The following MAN1C1 variants were observed in gnomAD, a reference collection of about 807,000 sequenced individuals.
MAN1C1 encodes mannosidase alpha class 1C member 1.
Under a neutral mutation model 71.5 loss-of-function variants are expected in MAN1C1, and 49 were observed. The ratio of observed to expected loss-of-function variants is 0.69; its 90% CI spans 0.54 to 0.87. The LOEUF is 0.87. Ranked by LOEUF, MAN1C1 falls within the 40% of genes least tolerant of loss-of-function variation. The pLI is 0.00. For synonymous variants in MAN1C1, 352 were observed against 343.7 expected (o/e 1.02, Z -0.27); for missense variants, 743 against 835.0 (o/e 0.89, Z 1.36).
At chr1:25,708,691 C>T (rs141031181) in intron 2 of MAN1C1, among the ~76,000 whole-genome samples, 3,036 of 152,226 alleles carry the variant, frequency 0.02, 31 homozygotes, top group Non-Finnish European at 0.028. Flanking sequence ...TTGAGACCAG[C>T]CTGGGCAACG....
rs745697528 is a variant in MAN1C1, at chr1:25,686,502, A to G, written c.603A>G (p.Pro201=). 6.2e-7 allele frequency: 1 copy of G among 1,614,254 alleles called. No individual in the cohort carries two copies. The highest frequency in any genetic ancestry group is 1.1e-5 in the South Asian group (1 of 91,088). The change falls in exon 2 of 12, where the codon CCA becomes CCG. Residue 201 remains proline, a synonymous_variant. Transcript: ENST00000374332. ...RYAMGKNELR[P]LTKDGYEGNM... ...CAATGGGGAAAAACGAACTCCGTCC[A>G]CTAACAAAAGATGGCTACGAGGGTA...
intron 1 of MAN1C1, among the ~76,000 whole-genome samples, chr1:25,635,855 A>G (rs2045452230): frequency 6.6e-6 from 1 of 152,216 alleles, no homozygotes; most frequent in South Asian, 2.1e-4. Flanking sequence ...TAGCTCGGCT[A>G]CTGGGGGAAC....
chr1:25,703,557 C>T (rs756511639), intron 2 of MAN1C1, among the ~76,000 whole-genome samples: 4 of 152,082 alleles, frequency 2.6e-5, no homozygotes, highest in Non-Finnish European at 5.9e-5. Flanking sequence ...GGTGCATGTC[C>T]GTAATCCCAG....
At chr1:25,758,236 G>A (rs2047315105) in intron 5 of MAN1C1, among the ~76,000 whole-genome samples, 1 of 152,240 alleles carries the variant, frequency 6.6e-6, no homozygotes, top group Non-Finnish European at 1.5e-5. Flanking sequence ...GCAACCGGGT[G>A]TTCTGTGGGG....
chr1:25,617,942 C>A lies in MAN1C1; in HGVS notation c.145C>A (p.Leu49Ile). ...ALFLLPHSSR[L>I]KRLFLAPRTQ... is the part of the protein sequence containing the mutation. ...CTTCCTGCTGCCCCACTCCTCTCGC[C>A]TCAAGCGCCTCTTCCTGGCCCCCCG... is the stretch of plus-strand genomic sequence containing the variant. Residue 49 changes from leucine (L) to isoleucine (I), a missense_variant, in exon 1 of 12, where the codon CTC becomes ATC. Physicochemically the swap from Leu to Ile is conservative, Grantham distance 5. Transcript: ENST00000374332. The surrounding 1 kb of genome is among the most constrained non-coding windows in gnomAD (Gnocchi z 5.1). 1 of 1,608,200 alleles carries A rather than the reference C, an allele frequency of 6.2e-7. No homozygotes were observed.
chr1:25,751,613 C>T (rs187131105), intron 4 of MAN1C1, among the ~76,000 whole-genome samples: 18 of 152,370 alleles, frequency 1.2e-4, no homozygotes, highest in African/African-American at 4.3e-4. Context: ...CAGCCCCTGC[C>T]CTCTGGCCAC....
intron 6 of MAN1C1, chr1:25,761,617 C>CTTCTTTT (rs1253425133): frequency 1.0e-4 from 8 of 80,198 alleles, no homozygotes; most frequent in Admixed American, 1.6e-4. Flanking sequence ...TCTACCTCTA[C>CTTCTTTT]TTCTTTTTTT....
At chr1:25,626,167 G>T (rs147526915) in intron 1 of MAN1C1, among the ~76,000 whole-genome samples, 1 of 152,192 alleles carries the variant, frequency 6.6e-6, no homozygotes, top group East Asian at 1.9e-4. Flanking sequence ...AACTGGAAGC[G>T]CTTTCCCCAA....
chr1:25,716,616 T>G (rs1390407391), intron 2 of MAN1C1, among the ~76,000 whole-genome samples: 2 of 152,196 alleles, frequency 1.3e-5, no homozygotes, highest in African/African-American at 4.8e-5. Flanking sequence ...TGCCCGGCCC[T>G]CAAATTCAGT....
intron 1 of MAN1C1, among the ~76,000 whole-genome samples, chr1:25,629,844 T>A (rs1324264113): frequency 6.6e-6 from 1 of 152,226 alleles, no homozygotes; most frequent in Non-Finnish European, 1.5e-5. Context: ...CATTGTCTTT[T>A]TACTCTGATG....
intron 7 of MAN1C1, among the ~76,000 whole-genome samples, chr1:25,767,383 A>T (rs1414343696): frequency 2.1e-4 from 5 of 23,660 alleles, no homozygotes; most frequent in Admixed American, 1.1e-3. Context: ...CACACTCCAC[A>T]CACACACACA....
At chr1:25,696,444 T>A (rs1446269286) in intron 2 of MAN1C1, among the ~76,000 whole-genome samples, 1 of 152,108 alleles carries the variant, frequency 6.6e-6, no homozygotes, top group African/African-American at 2.4e-5. Context: ...TTTTAAAAAT[T>A]GGGGTATAAC....
chr1:25,689,740 G>T (rs571992180), intron 2 of MAN1C1, among the ~76,000 whole-genome samples: 1 of 152,292 alleles, frequency 6.6e-6, no homozygotes, highest in South Asian at 2.1e-4. Flanking sequence ...CTCCCTATAG[G>T]CTGAGCCCTG....
At chr1:25,767,378 T>A (rs1572206170) in intron 7 of MAN1C1, among the ~76,000 whole-genome samples, 1 of 15,326 alleles carries the variant, frequency 6.5e-5, no homozygotes, top group African/African-American at 2.7e-4. Context: ...ACGTCCACAC[T>A]CCACACACAC....
At chr1:25,763,628 C>T (rs560526750) in intron 6 of MAN1C1, 23 of 507,998 alleles carry the variant, frequency 4.5e-5, no homozygotes, top group African/African-American at 4.1e-4. Context: ...TGTCCAGGTG[C>T]CAGGCAGAGC....
rs1036147259 is a variant in MAN1C1, at chr1:25,617,868, T to C, written c.71T>C (p.Leu24Pro). The change falls in exon 1 of 12, where the codon CTC (leucine) becomes CCC (proline). Residue 24 changes from leucine (L) to proline (P), a missense_variant. Coordinates refer to ENST00000374332, the MANE Select transcript of MAN1C1 (RefSeq NM_020379.4). This position sits in a 1 kb window ranked among gnomAD's most constrained non-coding sequence, Gnocchi z 5.1. ...PWGLRLPQKF[L>P]FLLFLSGLVT... ...GGGCTGCGGCTGCCGCAGAAGTTCCTCTTCCTCCTCTTCCTCTCGGGCCTG... is the reference window on the plus strand; with the variant it reads ...GGGCTGCGGCTGCCGCAGAAGTTCCCCTTCCTCCTCTTCCTCTCGGGCCTG... 6 of 1,608,020 alleles carry C rather than the reference T, an allele frequency of 3.7e-6. No homozygotes were observed. The highest frequency in any genetic ancestry group is 5.1e-6 in the Non-Finnish European group (6 of 1,178,054).
intron 1 of MAN1C1, among the ~76,000 whole-genome samples, chr1:25,651,789 C>A (rs1158601046): frequency 6.6e-6 from 1 of 152,198 alleles, no homozygotes. Context: ...TGGGAAAAAT[C>A]TATGCATTGG....
At chr1:25,644,497 C>CATATATATATATATATATATATATATAT (rs1204408970) in intron 1 of MAN1C1, 11 of 80,142 alleles carry the variant, frequency 1.4e-4, no homozygotes, top group African/African-American at 9.9e-4. Context: ...GTACCAGAGA[C>CATATATATATATATATATATATATATAT]ATATATATAT....
intron 6 of MAN1C1, 60 bp from the exon 7 acceptor site, chr1:25,763,814 C>T (rs1228257709): frequency 1.5e-6 from 2 of 1,360,542 alleles, no homozygotes; most frequent in East Asian, 2.3e-5. Context: ...CCTCAGCAGG[C>T]TGGGTGCAGT....
Sources: gnomAD v4.1 joint callset for allele counts (sites outside exome capture counted in the v4.1 genomes callset) on GRCh38, gnomAD v4.1.1 for gene constraint, Gnocchi (gnomAD v3.1) non-coding constraint, MANE v1.5 for transcripts, NCBI Gene and HGNC (gene_info 2026-07-23, HGNC 2026-07-21) for gene names.